UBE2K: variants seen among roughly 807,000 people sequenced by gnomAD.
The protein encoded by UBE2K is ubiquitin-conjugating enzyme E2 K.
In UBE2K, 6 loss-of-function variants were observed where a neutral mutation model predicts 30.0. The observed-to-expected ratio is 0.20, with a 90% CI of 0.11 to 0.39. The LOEUF (loss-of-function observed/expected upper bound fraction) is 0.39. Ranked by LOEUF, UBE2K falls within the 10% of genes least tolerant of loss-of-function variation. The pLI is 1.00. For synonymous variants in UBE2K, 86 were observed against 83.7 expected (o/e 1.03, Z -0.15); for missense variants, 61 against 241.6 (o/e 0.25, Z 4.96).
chr4:39,715,244 G>C (rs1718991483), intron 1 of UBE2K, among the ~76,000 whole-genome samples: 1 of 151,534 alleles, frequency 6.6e-6, no homozygotes, highest in African/African-American at 2.4e-5. Flanking sequence ...TTAGCCAGAT[G>C]GTCTCAATCT....
At chr4:39,752,005 A>G (rs901455953) in intron 3 of UBE2K, among the ~76,000 whole-genome samples, 2 of 152,142 alleles carry the variant, frequency 1.3e-5, no homozygotes. Flanking sequence ...AAAAGGCAAA[A>G]TACACTTCAC....
chr4:39,732,819 A>G (rs1720146699), intron 1 of UBE2K, among the ~76,000 whole-genome samples: 1 of 151,330 alleles, frequency 6.6e-6, no homozygotes, highest in Non-Finnish European at 1.5e-5. Flanking sequence ...GGGATTACAG[A>G]CATGTGCTAC....
chr4:39,766,227 A>G lies in UBE2K; in HGVS notation c.300-8607A>G, dbSNP rs550435679. 1.1e-4 allele frequency among the ~76,000 whole-genome samples: 17 copies of G among 151,926 alleles called. No homozygotes were observed. In the East Asian group the frequency reaches 3.1e-3, roughly 28 times the overall value. On this transcript the variant is annotated intron_variant, in intron 4 of 6. Transcript: ENST00000261427. ...GAGGGACTGCCATACTGTTTCCCAT[A>G]GAGTTTTCACCATTTTACATTCCCA... is the stretch of plus-strand genomic sequence containing the variant.
At chr4:39,699,769 C>A (rs1421352289) in intron 1 of UBE2K, among the ~76,000 whole-genome samples, 2 of 151,976 alleles carry the variant, frequency 1.3e-5, no homozygotes, top group Non-Finnish European at 2.9e-5. Flanking sequence ...ATTTAAAATT[C>A]AAAAATGACA....
At position 39,757,030 on chromosome 4, in the gene UBE2K, TTG is replaced by T. The variant is rs1183423299; in HGVS notation, c.299+1293_299+1294del. Among the ~76,000 whole-genome samples the T allele has an allele frequency of 6.6e-4, 78 of 118,944 alleles. 7 individuals carry two copies. The highest frequency in any genetic ancestry group is 3.6e-3 in the Middle Eastern group (1 of 276). The allele number at this position is 118,944 out of a possible 152,430, so 78.0% of individuals were successfully genotyped here. On this transcript the variant is annotated intron_variant, in intron 4 of 6. Transcript: ENST00000261427. ...TTTTTTGTTTTTTGTTTTTTGTTTT[TTG>T]TTTTTTTTTTGAGACAGAGTTTCAC...
intron 4 of UBE2K, among the ~76,000 whole-genome samples, chr4:39,773,142 C>T (rs953975291): frequency 2.0e-5 from 3 of 151,858 alleles, no homozygotes; most frequent in Non-Finnish European, 4.4e-5. Context: ...AAAACTTGTC[C>T]TGTTTCAGAA....
intron 2 of UBE2K, among the ~76,000 whole-genome samples, chr4:39,740,277 A>G (rs1436780744): frequency 6.6e-6 from 1 of 152,104 alleles, no homozygotes; most frequent in Non-Finnish European, 1.5e-5. Context: ...ATTGATTTTT[A>G]TAAACAAGGC....
chr4:39,773,408 C>T (rs973375029), intron 4 of UBE2K, among the ~76,000 whole-genome samples: 5 of 151,636 alleles, frequency 3.3e-5, no homozygotes, highest in Non-Finnish European at 7.4e-5. Flanking sequence ...GTGGAGGTTC[C>T]GGTGAGCCGA....
At chr4:39,712,335 G>A (rs947660868) in intron 1 of UBE2K, among the ~76,000 whole-genome samples, 2 of 143,302 alleles carry the variant, frequency 1.4e-5, no homozygotes, top group African/African-American at 5.2e-5. Flanking sequence ...CCAAGTAGCT[G>A]GGACCACAGG....
chr4:39,710,204 C>T (rs1718590214), intron 1 of UBE2K: 1 of 151,816 alleles, frequency 6.6e-6, no homozygotes, highest in African/African-American at 2.4e-5. Flanking sequence ...CCCTTTAGTT[C>T]TTTGCTTTTA....
chr4:39,719,813 A>G (rs1018404840), intron 1 of UBE2K, among the ~76,000 whole-genome samples: 1 of 152,196 alleles, frequency 6.6e-6, no homozygotes, highest in African/African-American at 2.4e-5. Context: ...TGTATAGAAT[A>G]TAGCACAGTT....
chr4:39,736,190 C>T (rs1054192841), intron 1 of UBE2K, among the ~76,000 whole-genome samples: 12 of 152,100 alleles, frequency 7.9e-5, no homozygotes, highest in Admixed American at 5.2e-4. Flanking sequence ...AGGCCGGGCA[C>T]GGTGCCTCAC....
intron 1 of UBE2K, among the ~76,000 whole-genome samples, chr4:39,716,827 G>A (rs1719091812): frequency 6.6e-6 from 1 of 152,012 alleles, no homozygotes; most frequent in Admixed American, 6.6e-5. Flanking sequence ...GTGAAACCCT[G>A]TCTCTACTAA....
intron 1 of UBE2K, among the ~76,000 whole-genome samples, chr4:39,732,261 T>A (rs1410074296): frequency 6.6e-6 from 1 of 152,184 alleles, no homozygotes; most frequent in South Asian, 2.1e-4. Flanking sequence ...TTAATTAACT[T>A]GTTCATAGCT....
intron 1 of UBE2K, among the ~76,000 whole-genome samples, chr4:39,702,089 T>G (rs1718045492): frequency 6.6e-6 from 1 of 152,096 alleles, no homozygotes; most frequent in Non-Finnish European, 1.5e-5. Context: ...ATATACCAAA[T>G]ATTTTAAAAT....
At chr4:39,743,724 T>C (rs1334435742) in intron 2 of UBE2K, among the ~76,000 whole-genome samples, 1 of 152,242 alleles carries the variant, frequency 6.6e-6, no homozygotes, top group Non-Finnish European at 1.5e-5. Flanking sequence ...CATAGTCTTA[T>C]AAATAAATAT....
chr4:39,735,836 GT>G, intron 1 of UBE2K, among the ~76,000 whole-genome samples: 1 of 152,014 alleles, frequency 6.6e-6, no homozygotes, highest in East Asian at 1.9e-4. Context: ...TCAGAAAAAT[GT>G]AAAAAAAAGT....
chr4:39,751,641 C>T (rs1721260576), intron 3 of UBE2K, among the ~76,000 whole-genome samples: 1 of 152,142 alleles, frequency 6.6e-6, no homozygotes, highest in Non-Finnish European at 1.5e-5. Context: ...CGCCACTGCA[C>T]TTCAGCCAAG....
chr4:39,719,869 G>A (rs564567100), intron 1 of UBE2K, among the ~76,000 whole-genome samples: 7 of 152,294 alleles, frequency 4.6e-5, no homozygotes, highest in South Asian at 4.1e-4. Context: ...TCTTGATAGT[G>A]TACATGTGTG....
Sources: allele counts gnomAD v4.1 joint callset (sites outside exome capture counted in the v4.1 genomes callset), GRCh38; gene constraint gnomAD v4.1.1; transcripts MANE v1.5; gene names NCBI Gene and HGNC (gene_info 2026-07-23, HGNC 2026-07-21).